The following DCDC2 variants were observed in gnomAD, a reference collection of about 807,000 sequenced individuals.
The protein encoded by DCDC2 is doublecortin domain containing 2, also known as doublecortin domain-containing protein 2.
In DCDC2, 40 loss-of-function variants were observed where a neutral mutation model predicts 50.2. That is an observed-to-expected ratio of 0.80 (90% CI 0.62 to 1.04). DCDC2 has a LOEUF of 1.04. Ranked by LOEUF, DCDC2 falls within the 50% of genes least tolerant of loss-of-function variation. The probability of loss-of-function intolerance (pLI) is 0.00; values close to 1 mark genes in which losing one functional copy is unlikely to be tolerated. For missense variants in DCDC2, 570 were observed against 581.9 expected, an observed-to-expected ratio of 0.98 and a Z score of 0.21; for synonymous variants, 234 against 210.6, an observed-to-expected ratio of 1.11 and a Z score of -0.96.
chr6:24,337,187 G>T (rs896884792), intron 2 of DCDC2, among the ~76,000 whole-genome samples: 1 of 152,068 alleles, frequency 6.6e-6, no homozygotes, highest in Non-Finnish European at 1.5e-5. Flanking sequence ...TTTTAAAAAT[G>T]CATTCAGAAC....
At chr6:24,383,208 T>C in the DCDC2 span, among the ~76,000 whole-genome samples, 148,859 of 152,120 alleles carry the variant, frequency 0.98, 72,897 homozygotes, top group East Asian at 1. Context: ...TGCCTGTAAT[T>C]CCAGCTACTC....
chr6:24,246,742 C>T (rs1456838674), intron 7 of DCDC2, among the ~76,000 whole-genome samples: 2 of 152,106 alleles, frequency 1.3e-5, no homozygotes, highest in African/African-American at 4.8e-5. Context: ...CCGCCTCAAC[C>T]TCCCAAAGTG....
chr6:24,226,777 C>A (rs1762242548), intron 7 of DCDC2, among the ~76,000 whole-genome samples: 2 of 152,086 alleles, frequency 1.3e-5, no homozygotes, highest in Non-Finnish European at 2.9e-5. Flanking sequence ...TGGGAGGTAG[C>A]AAGGAAGAAA....
In DCDC2 at chr6:24,178,514, G is replaced by C. The variant is rs753739433; in HGVS notation, c.1142C>G (p.Ala381Gly). 1.2e-6 allele frequency: 2 copies of C among 1,614,134 alleles called. No homozygotes were observed. The highest frequency in any genetic ancestry group is 8.5e-7 in the Non-Finnish European group (1 of 1,180,030). Residue 381 changes from alanine (A) to glycine (G), a missense_variant, in exon 9 of 10, where the codon GCT (alanine) becomes GGT (glycine). Physicochemically the swap from Ala to Gly is moderately conservative, Grantham distance 60. Coordinates refer to ENST00000378454, the MANE Select transcript of DCDC2 (RefSeq NM_016356.5). ...GDLEEEGGRE[A>G]TDAPEQVEEI... ...CTCGACTTGCTCAGGGGCATCTGTA[G>C]CCTCCCTACCTCCTTCCTCTTCAAG...
chr6:24,292,403 T>A (rs1222893033), intron 4 of DCDC2, among the ~76,000 whole-genome samples: 1 of 151,870 alleles, frequency 6.6e-6, no homozygotes, highest in African/African-American at 2.4e-5. Flanking sequence ...GGCCATATCA[T>A]ACAGAACCAT....
chr6:24,365,490 C>T, the DCDC2 span, among the ~76,000 whole-genome samples: 3 of 152,172 alleles, frequency 2.0e-5, no homozygotes, highest in Non-Finnish European at 4.4e-5. Context: ...CAGGGTTTCA[C>T]CATGTTGGCC....
Position 24,301,726 on chromosome 6 carries a change from C to T in DCDC2, c.546G>A (p.Gly182=). The T allele has an allele frequency of 1.2e-6, 2 of 1,614,038 alleles. No homozygotes were observed. Among genetic ancestry groups the T allele is most frequent in the African/African-American group, 1.3e-5 (1 of 74,982 alleles). ...TTGTTTTGACATACCTGTGAACAGC[C>T]CCGCTCCTCAGAGTGATTTTTTCTG... The part of the protein sequence containing the change: ...MVTEKITLRS[G]AVHRLYTLEG... Residue 182 remains glycine, a synonymous_variant, in exon 4 of 10, where the codon GGG becomes GGA. Coordinates refer to ENST00000378454, the MANE Select transcript of DCDC2 (RefSeq NM_016356.5).
chr6:24,177,473 A>G (rs1489080745), intron 9 of DCDC2, among the ~76,000 whole-genome samples: 1 of 152,244 alleles, frequency 6.6e-6, no homozygotes, highest in African/African-American at 2.4e-5. Context: ...AGGAATGAGT[A>G]GTCCAAGGCC....
At chr6:24,176,958 T>C (rs1447397184) in intron 9 of DCDC2, among the ~76,000 whole-genome samples, 1 of 152,228 alleles carries the variant, frequency 6.6e-6, no homozygotes, top group Admixed American at 6.5e-5. Flanking sequence ...TAAAGTTATA[T>C]TTATGGAAGA....
At chr6:24,324,947 T>C (rs892124602) in intron 2 of DCDC2, among the ~76,000 whole-genome samples, 3 of 151,284 alleles carry the variant, frequency 2.0e-5, no homozygotes, top group Admixed American at 1.3e-4. Context: ...CTATGACACT[T>C]TGGCATCTCA....
At chr6:24,238,845 C>T (rs1175256785) in intron 7 of DCDC2, among the ~76,000 whole-genome samples, 2 of 152,174 alleles carry the variant, frequency 1.3e-5, no homozygotes, top group African/African-American at 4.8e-5. Context: ...TAGGGCAACA[C>T]AAGAAGGGGC....
At chr6:24,253,682 T>C (rs935726456) in intron 7 of DCDC2, among the ~76,000 whole-genome samples, 2 of 151,974 alleles carry the variant, frequency 1.3e-5, no homozygotes, top group South Asian at 4.1e-4. Flanking sequence ...ATAGAAAAAG[T>C]ACAGTAAAAA....
At chr6:24,369,968 G>A in the DCDC2 span, among the ~76,000 whole-genome samples, 43 of 152,010 alleles carry the variant, frequency 2.8e-4, no homozygotes, top group African/African-American at 1.0e-3. Flanking sequence ...CTTGAGCAGG[G>A]GACTGGGGGA....
chr6:24,220,911 T>TGAGCGAGAGAGCGAGCGAGCGAGAGAGC (rs1459047986), intron 7 of DCDC2, among the ~76,000 whole-genome samples: 1 of 125,296 alleles, frequency 8.0e-6, no homozygotes, highest in Admixed American at 7.8e-5. Flanking sequence ...AGCGAGAGAG[T>TGAGCGAGAGAGCGAGCGAGCGAGAGAGC]GAGCGAGCGA....
At position 24,178,434 on chromosome 6, in the gene DCDC2, T is replaced by C; in HGVS notation, c.1222A>G (p.Thr408Ala). 1 of 1,614,204 alleles carries C rather than the reference T, an allele frequency of 6.2e-7. No individual in the cohort carries two copies. Among genetic ancestry groups the C allele is most frequent in the Non-Finnish European group, 8.5e-7 (1 of 1,180,026 alleles). Reference protein sequence around the residue: ...QARPARVNGGTDEENGEELQQ... With the variant: ...QARPARVNGGADEENGEELQQ... ...AGCTCCTCACCATTCTCCTCATCGG[T>C]GCCTCCATTTACACGAGCAGGGCGT... Residue 408 changes from threonine (T) to alanine (A), a missense_variant, in exon 9 of 10, where the codon ACC becomes GCC. Coordinates refer to ENST00000378454, the MANE Select transcript of DCDC2 (RefSeq NM_016356.5).
At chr6:24,221,220 C>T (rs754035648) in intron 7 of DCDC2, among the ~76,000 whole-genome samples, 10 of 152,136 alleles carry the variant, frequency 6.6e-5, no homozygotes, top group Non-Finnish European at 1.3e-4. Flanking sequence ...TAACTAAACT[C>T]CTCTGCCCAA....
At chr6:24,201,703 T>C (rs928672695) in intron 8 of DCDC2, among the ~76,000 whole-genome samples, 1 of 152,114 alleles carries the variant, frequency 6.6e-6, no homozygotes, top group Non-Finnish European at 1.5e-5. Flanking sequence ...AAAAAATCAA[T>C]GCATCCAGGA....
chr6:24,175,310 G>A (rs916662899), intron 9 of DCDC2, among the ~76,000 whole-genome samples: 8 of 152,270 alleles, frequency 5.3e-5, no homozygotes, highest in Non-Finnish European at 1.0e-4. Context: ...TCAAAATGTG[G>A]AGGCAGCATT....
At chr6:24,332,636 T>C (rs1759986427) in intron 2 of DCDC2, among the ~76,000 whole-genome samples, 1 of 152,196 alleles carries the variant, frequency 6.6e-6, no homozygotes, top group African/African-American at 2.4e-5. Flanking sequence ...TACTAAGTTT[T>C]GGGGTGACTC....
Sources: gnomAD v4.1 joint callset for allele counts (sites outside exome capture counted in the v4.1 genomes callset) on GRCh38, gnomAD v4.1.1 for gene constraint, MANE v1.5 for transcripts, NCBI Gene and HGNC (gene_info 2026-07-23, HGNC 2026-07-21) for gene names.